The following PTPRN2 variants were observed in gnomAD, a reference collection of about 807,000 sequenced individuals.
The protein encoded by PTPRN2 is receptor-type tyrosine-protein phosphatase N2.
Under a neutral mutation model 118.8 loss-of-function variants are expected in PTPRN2, and 74 were observed. The ratio of observed to expected loss-of-function variants is 0.62; its 90% CI spans 0.52 to 0.76. The LOEUF is 0.76. Among genes scored for constraint, PTPRN2 ranks in the 30% least tolerant of loss-of-function variants. The pLI, the probability that PTPRN2 is intolerant of heterozygous loss-of-function variation, is 0.00. For synonymous variants in PTPRN2, 641 were observed against 608.0 expected (o/e 1.05, Z -0.80); for missense variants, 1,481 against 1,394.4 (o/e 1.06, Z -0.99).
intron 11 of PTPRN2, among the ~76,000 whole-genome samples, chr7:157,916,599 CT>C (rs1798411002): frequency 1.3e-5 from 2 of 152,366 alleles, no homozygotes; most frequent in African/African-American, 4.8e-5. Flanking sequence ...TGGTGCTTCA[CT>C]GCAGAGCACG....
At chr7:157,681,640 G>A (rs1381083792) in intron 13 of PTPRN2, among the ~76,000 whole-genome samples, 1 of 152,196 alleles carries the variant, frequency 6.6e-6, no homozygotes, top group African/African-American at 2.4e-5. Context: ...ATGTGGGGGA[G>A]GGTCCTGAGA....
At chr7:158,493,010 C>A (rs1175754448) in intron 1 of PTPRN2, among the ~76,000 whole-genome samples, 2 of 152,248 alleles carry the variant, frequency 1.3e-5, no homozygotes, top group African/African-American at 4.8e-5. Context: ...GGGCCCTTAA[C>A]CTTGTGTGCC....
chr7:157,771,632 T>G (rs1341912278), intron 12 of PTPRN2, among the ~76,000 whole-genome samples: 1 of 152,044 alleles, frequency 6.6e-6, no homozygotes, highest in Non-Finnish European at 1.5e-5. Flanking sequence ...GGCAAAGCAG[T>G]GCAAAGGGCA....
At chr7:158,207,601 C>T (rs1480301320) in intron 3 of PTPRN2, among the ~76,000 whole-genome samples, 4 of 152,104 alleles carry the variant, frequency 2.6e-5, no homozygotes, top group Non-Finnish European at 5.9e-5. Flanking sequence ...AACAAATTTA[C>T]AAGAAAAAAA....
At chr7:158,317,010 C>T (rs1802389775) in intron 2 of PTPRN2, 78 bp from the exon 3 acceptor site, 1 of 1,087,832 alleles carries the variant, frequency 9.2e-7, no homozygotes, top group African/African-American at 1.6e-5. Context: ...CACGTCCTTG[C>T]AATGCGTTCT....
intron 10 of PTPRN2, among the ~76,000 whole-genome samples, chr7:158,091,725 T>C (rs913294314): frequency 1.4e-5 from 2 of 147,860 alleles, no homozygotes; most frequent in Non-Finnish European, 3.0e-5. Flanking sequence ...AGCAGAGAGA[T>C]GGTTGGGTGG....
chr7:157,765,371 C>A (rs902763923), intron 12 of PTPRN2, among the ~76,000 whole-genome samples: 2 of 151,292 alleles, frequency 1.3e-5, no homozygotes, highest in Non-Finnish European at 2.9e-5. Flanking sequence ...CATCCATCAT[C>A]CACTCTTCTT....
At chr7:157,996,829 T>C (rs1804781562) in intron 11 of PTPRN2, among the ~76,000 whole-genome samples, 1 of 152,232 alleles carries the variant, frequency 6.6e-6, no homozygotes, top group South Asian at 2.1e-4. Context: ...CCATTTTCCC[T>C]TGCCCCAGGG....
At position 157,953,880 on chromosome 7, in the gene PTPRN2, G is replaced by C. The variant is rs1448967704; in HGVS notation, c.1724-55143C>G. On this transcript the variant is annotated intron_variant, in intron 11 of 22. Transcript: ENST00000389418. The surrounding 1 kb of genome is among the most constrained non-coding windows in gnomAD (Gnocchi z 4.6). ...CCGCATTTCGAAGCAGAAATCGCTG[G>C]TTTAAATATTCTCTCCTTTCCCTCA... is the stretch of plus-strand genomic sequence containing the variant. Among the ~76,000 whole-genome samples the C allele has an allele frequency of 3.9e-5, 6 of 152,172 alleles. No individual in the cohort carries two copies. The highest frequency in any genetic ancestry group is 7.2e-5 in the African/African-American group (3 of 41,428).
At chr7:158,479,108 G>C (rs1405327550) in intron 2 of PTPRN2, among the ~76,000 whole-genome samples, 1 of 152,106 alleles carries the variant, frequency 6.6e-6, no homozygotes, top group Non-Finnish European at 1.5e-5. Context: ...GATGCAGACA[G>C]ACCGAGGTGC....
At chr7:158,208,382 A>G (rs1827326831) in intron 3 of PTPRN2, among the ~76,000 whole-genome samples, 1 of 152,214 alleles carries the variant, frequency 6.6e-6, no homozygotes, top group African/African-American at 2.4e-5. Flanking sequence ...AGGAATGAAG[A>G]AAGAATCCTA....
chr7:158,240,075 A>G (rs1223089119), intron 3 of PTPRN2, among the ~76,000 whole-genome samples: 1 of 152,234 alleles, frequency 6.6e-6, no homozygotes, highest in African/African-American at 2.4e-5. Context: ...TGGAACCTCC[A>G]GGCAGGTCAG....
rs186408013 is a variant in PTPRN2 at position 158,555,837 on chromosome 7, C to G, written c.112+31721G>C. ...CAAGCTCAGGATGATGAAGACACAT[C>G]CTATCTTCGAGGACCCAGCTCGCAG... On this transcript the variant is annotated intron_variant, in intron 1 of 22. Transcript: ENST00000389418. The surrounding 1 kb of genome is among the most constrained non-coding windows in gnomAD (Gnocchi z 4.7). 9.3e-4 allele frequency among the ~76,000 whole-genome samples: 141 copies of G among 152,158 alleles called. 1 individual carries two copies. Among genetic ancestry groups the G allele is most frequent in the African/African-American group, 3.1e-3 (130 of 41,510 alleles).
At chr7:157,604,974 T>C (rs1410361695) in intron 15 of PTPRN2, among the ~76,000 whole-genome samples, 1 of 152,254 alleles carries the variant, frequency 6.6e-6, no homozygotes, top group African/African-American at 2.4e-5. Flanking sequence ...CCCTGGTGTG[T>C]GGCCGCTTCC....
intron 19 of PTPRN2, among the ~76,000 whole-genome samples, chr7:157,574,689 A>ACC (rs1441410945): frequency 6.6e-6 from 1 of 152,240 alleles, no homozygotes; most frequent in East Asian, 1.9e-4. Flanking sequence ...CGCGTCGTCT[A>ACC]TTGTTCAAAG....
rs72505575 is a variant in PTPRN2, at chr7:158,518,352, G to A, written c.113-28567C>T. ...ATATGAACATTAATAGAGATGATAC[G>A]GATTTCACGGGGTGGGAGAAGGATA... On this transcript the variant is annotated intron_variant, in intron 1 of 22. Transcript: ENST00000389418. Among the ~76,000 whole-genome samples the A allele has an allele frequency of 1.8e-3, 268 of 152,166 alleles. 7 individuals are homozygous for A. The East Asian group carries it at 0.034, about 19-fold the overall frequency.
chr7:157,652,735 G>T (rs912129536), intron 14 of PTPRN2, among the ~76,000 whole-genome samples: 4 of 152,154 alleles, frequency 2.6e-5, no homozygotes, highest in African/African-American at 9.7e-5. Flanking sequence ...ACAGCCCCAT[G>T]GATCCCCCCA....
intron 2 of PTPRN2, among the ~76,000 whole-genome samples, chr7:158,411,068 C>A (rs1353967860): frequency 6.6e-6 from 1 of 152,060 alleles, no homozygotes; most frequent in African/African-American, 2.4e-5. Context: ...GGGGCCCTCT[C>A]CTCCCTGGCA....
intron 11 of PTPRN2, among the ~76,000 whole-genome samples, chr7:157,952,179 GC>G (rs369903209): frequency 3.9e-5 from 6 of 152,268 alleles, no homozygotes; most frequent in African/African-American, 1.4e-4. Context: ...GGCCCTGGGA[GC>G]CCCCCAGAGC....
Sources: allele counts gnomAD v4.1 joint callset (sites outside exome capture counted in the v4.1 genomes callset), GRCh38; gene constraint gnomAD v4.1.1; non-coding constraint Gnocchi (gnomAD v3.1); transcripts MANE v1.5; gene names NCBI Gene and HGNC (gene_info 2026-07-23, HGNC 2026-07-21).